CARM1: variants seen among roughly 807,000 people sequenced by gnomAD.
The protein encoded by CARM1 is histone-arginine methyltransferase CARM1.
Under a neutral mutation model 72.7 loss-of-function variants are expected in CARM1, and 14 were observed. That is an observed-to-expected ratio of 0.19 (90% CI 0.13 to 0.30). The LOEUF (loss-of-function observed/expected upper bound fraction) is 0.30, where lower values mean the gene tolerates loss of function less well. CARM1 is among the 10% of genes least tolerant of loss of function. CARM1 has a pLI of 1.00. For synonymous variants in CARM1, 333 were observed against 345.5 expected (o/e 0.96, Z 0.40); for missense variants, 432 against 833.7 (o/e 0.52, Z 5.93).
intron 1 of CARM1, among the ~76,000 whole-genome samples, chr19:10,888,144 C>T (rs1181555931): frequency 1.3e-5 from 2 of 152,238 alleles, no homozygotes; most frequent in African/African-American, 4.8e-5. Flanking sequence ...TGCAGCCCAG[C>T]TCCTGCCATG....
At chr19:10,914,792 G>A (rs978734949) in intron 6 of CARM1, among the ~76,000 whole-genome samples, 1 of 152,184 alleles carries the variant, frequency 6.6e-6, no homozygotes, top group African/African-American at 2.4e-5. Flanking sequence ...CTGACCTCAG[G>A]TGATCTACCC....
In CARM1 at chr19:10,904,948, T is replaced by C; in HGVS notation, c.221-3T>C. ...GCTCACGCCAGCCTGTCTTCTCTCG[T>C]AGATGAAGATGTGTGTGTCTTTAAG... On this transcript the variant is annotated splice_polypyrimidine_tract_variant and splice_region_variant and intron_variant, in intron 1 of 15. Transcript: ENST00000327064. 1 of 1,614,052 alleles carries C rather than the reference T, an allele frequency of 6.2e-7. No homozygotes were observed. The highest frequency in any genetic ancestry group is 8.5e-7 in the Non-Finnish European group (1 of 1,179,918).
At chr19:10,888,983 T>C (rs1236134457) in intron 1 of CARM1, among the ~76,000 whole-genome samples, 1 of 152,106 alleles carries the variant, frequency 6.6e-6, no homozygotes, top group Non-Finnish European at 1.5e-5. Context: ...GACCAGACCT[T>C]AGAGGGAGCC....
intron 4 of CARM1, among the ~76,000 whole-genome samples, chr19:10,910,474 C>T (rs183579140): frequency 6.6e-6 from 1 of 151,454 alleles, no homozygotes; most frequent in Non-Finnish European, 1.5e-5. Context: ...GAGCAAGACT[C>T]CGTCTTAAAA....
chr19:10,898,336 G>A (rs1259092556), intron 1 of CARM1, among the ~76,000 whole-genome samples: 3 of 150,490 alleles, frequency 2.0e-5, no homozygotes, highest in Non-Finnish European at 3.0e-5. Flanking sequence ...GCTGTGGCCT[G>A]GCCTCAATTG....
At position 10,920,572 on chromosome 19, in the gene CARM1, A is replaced by AG; in HGVS notation, c.1334+1dup. On this transcript the variant is annotated frameshift_variant and splice_region_variant, in exon 11 of 16. Transcript: ENST00000327064. LOFTEE classifies it high-confidence loss of function. The surrounding 1 kb of genome is among the most constrained non-coding windows in gnomAD (Gnocchi z 5.3). ...GACATGTCTGCTTATTGCCAACAAA[A>AG]GGTGCGACTGCTCCCTGGGGCTGGT... is the stretch of plus-strand genomic sequence containing the variant. 6.2e-7 allele frequency: 1 copy of AG among 1,613,834 alleles called. No homozygotes were observed. The highest frequency in any genetic ancestry group is 1.1e-5 in the South Asian group (1 of 91,074).
chr19:10,911,113 A>G (rs1435248764), intron 4 of CARM1, among the ~76,000 whole-genome samples: 1 of 150,410 alleles, frequency 6.6e-6, no homozygotes, highest in African/African-American at 2.5e-5. Flanking sequence ...CTGGTCTCAA[A>G]CTTCTGGCCT....
intron 1 of CARM1, among the ~76,000 whole-genome samples, chr19:10,884,770 T>A (rs1366397434): frequency 6.6e-6 from 1 of 152,180 alleles, no homozygotes. Flanking sequence ...AGTAGCGTGA[T>A]CTCAGCTCAC....
intron 3 of CARM1, 37 bp from the exon 4 acceptor site, chr19:10,909,066 C>T (rs773441529): frequency 6.6e-7 from 1 of 1,518,458 alleles, no homozygotes; most frequent in South Asian, 1.1e-5. Flanking sequence ...CCTCGTGCCA[C>T]CATGTGCCCC....
intron 1 of CARM1, among the ~76,000 whole-genome samples, chr19:10,903,378 T>C (rs1192618136): frequency 6.6e-6 from 1 of 152,200 alleles, no homozygotes; most frequent in East Asian, 1.9e-4. Flanking sequence ...TTTGCACTCA[T>C]GTTGTTGTTG....
rs386474655 is a variant in CARM1, at chr19:10,915,398, G to C, written c.848-1009G>C. Among the ~76,000 whole-genome samples, 324 of 152,186 alleles carry C rather than the reference G, an allele frequency of 2.1e-3. 1 individual carries two copies. Among genetic ancestry groups the C allele is most frequent in the Non-Finnish European group, 2.7e-3 (186 of 67,986 alleles). ...GTCCCAGCAGCCAGCTTGCAGGGAG[G>C]GGGGAGGCCAGGCCTGTGCAAGGAG... On this transcript the variant is annotated intron_variant, in intron 6 of 15. Transcript: ENST00000327064. The surrounding 1 kb of genome is among the most constrained non-coding windows in gnomAD (Gnocchi z 4.6).
intron 5 of CARM1, among the ~76,000 whole-genome samples, chr19:10,913,386 C>T (rs1430598838): frequency 1.3e-5 from 2 of 151,738 alleles, no homozygotes; most frequent in Admixed American, 6.6e-5. Flanking sequence ...TGGCAAAACC[C>T]CATTAGCCAG....
rs1384534833 is a variant in CARM1 at position 10,880,657 on chromosome 19, A to G, written c.220+8735A>G. On this transcript the variant is annotated intron_variant, in intron 1 of 15. Transcript: ENST00000327064. ...TGTGAGTCATGGCAGCCACGGCTCC[A>G]GAGCTCGGGTTCTTAATCTGGTCTG... Among the ~76,000 whole-genome samples the G allele has an allele frequency of 1.5e-4, 23 of 151,998 alleles. No homozygotes were observed. In the East Asian group the frequency reaches 3.7e-3, roughly 24 times the overall value.
In CARM1 at chr19:10,913,757, G is replaced by A; in HGVS notation, c.670-120G>A. On this transcript the variant is annotated intron_variant, in intron 5 of 15. Transcript: ENST00000327064. Reference sequence around the variant, plus strand: ...CAGCCATGGTTGGGGCGCCAGCGAAGCAGGCAGAGGGGCACCCAATGCCCA... The same window carrying A: ...CAGCCATGGTTGGGGCGCCAGCGAAACAGGCAGAGGGGCACCCAATGCCCA... 5 of 1,046,410 alleles carry A rather than the reference G, an allele frequency of 4.8e-6. 1 individual carries two copies. In the South Asian group the frequency reaches 6.9e-5, roughly 15 times the overall value. The allele number at this position is 1,046,410 out of a possible 1,614,324, so 64.8% of individuals were successfully genotyped here. A position where few individuals can be genotyped will look rare whatever the true frequency, so the allele number is the denominator to read the frequency against.
chr19:10,906,861 C>CTTTGT (rs1267501478), intron 2 of CARM1, among the ~76,000 whole-genome samples: 2 of 114,882 alleles, frequency 1.7e-5, no homozygotes, highest in African/African-American at 6.7e-5. Flanking sequence ...ATAAATATAG[C>CTTTGT]TTTATTTTAT....
In CARM1 at chr19:10,916,531, A is replaced by G. The variant is rs765396398; in HGVS notation, c.938+34A>G. On this transcript the variant is annotated intron_variant, in intron 7 of 15. Transcript: ENST00000327064. This position sits in a 1 kb window ranked among gnomAD's most constrained non-coding sequence, Gnocchi z 4.4. ...GCCCTGGGTGTCCCGCCTGGGCCCC[A>G]CAGCCTGCCTTCTCAGGGACAGCCC... 6.5e-7 allele frequency: 1 copy of G among 1,535,240 alleles called. No homozygotes were observed. Among genetic ancestry groups the G allele is most frequent in the Admixed American group, 1.7e-5 (1 of 59,630 alleles).
intron 8 of CARM1, chr19:10,918,884 G>A (rs1466626692): frequency 6.6e-6 from 1 of 152,240 alleles, no homozygotes; most frequent in Non-Finnish European, 1.5e-5. Context: ...TTGGTCACCA[G>A]TGCTTCCAAC....
At chr19:10,885,894 T>C (rs1169516201) in intron 1 of CARM1, among the ~76,000 whole-genome samples, 5 of 146,200 alleles carry the variant, frequency 3.4e-5, no homozygotes, top group Admixed American at 6.8e-5. Flanking sequence ...CCTCATTTTT[T>C]TTTTTTTTTT....
At chr19:10,883,156 G>A (rs201265410) in intron 1 of CARM1, among the ~76,000 whole-genome samples, 4 of 152,290 alleles carry the variant, frequency 2.6e-5, no homozygotes, top group East Asian at 3.9e-4. Context: ...CCAGGGAACC[G>A]TGGTTCTCCC....
Sources: gnomAD v4.1 joint callset for allele counts (sites outside exome capture counted in the v4.1 genomes callset) on GRCh38, gnomAD v4.1.1 for gene constraint, Gnocchi (gnomAD v3.1) non-coding constraint, MANE v1.5 for transcripts, NCBI Gene and HGNC (gene_info 2026-07-23, HGNC 2026-07-21) for gene names.